The following CNIH3 variants were observed in gnomAD, a reference collection of about 807,000 sequenced individuals.
CNIH3 encodes the protein protein cornichon homolog 3.
In CNIH3, 14 loss-of-function variants were observed where a neutral mutation model predicts 24.1. The observed-to-expected ratio is 0.58, with a 90% CI of 0.38 to 0.91. CNIH3 has a LOEUF of 0.91. CNIH3 is among the 40% of genes least tolerant of loss of function. The pLI is 0.00. For missense variants in CNIH3, 178 were observed against 196.8 expected (o/e 0.90, Z 0.57); for synonymous variants, 68 against 73.8 (o/e 0.92, Z 0.40).
rs1558314863 is a variant in CNIH3 at position 224,705,864 on chromosome 1, T to TTC, written c.198+21022_198+21023insCT. On this transcript the variant is annotated intron_variant, in intron 3 of 5. Transcript: ENST00000272133. ...CTCTTTCTTTTCTTTTTTTTCTTTT[T>TTC]TTTTTTTTTTGAGCTGAACCTACCC... Among the ~76,000 whole-genome samples, 170 of 147,968 alleles carry TTC rather than the reference T, an allele frequency of 1.1e-3. 5 individuals carry two copies. The highest frequency in any genetic ancestry group is 0.011 in the Admixed American group (166 of 14,876).
intron 1 of CNIH3, among the ~76,000 whole-genome samples, chr1:224,509,482 A>G (rs1035622730): frequency 6.6e-6 from 1 of 152,140 alleles, no homozygotes; most frequent in African/African-American, 2.4e-5. Context: ...TACCCTCACC[A>G]GAGACCCAGT....
intron 3 of CNIH3, among the ~76,000 whole-genome samples, chr1:224,723,351 C>T (rs1474007093): frequency 6.6e-6 from 1 of 152,212 alleles, no homozygotes; most frequent in Admixed American, 6.5e-5. Context: ...GTGCCTTTTC[C>T]TCCCTGTGCT....
intron 1 of CNIH3, among the ~76,000 whole-genome samples, chr1:224,665,286 C>G (rs187483728): frequency 7.7e-4 from 118 of 152,262 alleles, no homozygotes; most frequent in Admixed American, 1.5e-3. Context: ...CTTAAGCACA[C>G]TAGGAAGACA....
Position 224,645,991 on chromosome 1 carries a change from G to A in CNIH3, c.81+28736G>A, listed in dbSNP as rs184967736. 3.9e-5 allele frequency among the ~76,000 whole-genome samples: 6 copies of A among 152,274 alleles called. No individual in the cohort carries two copies. In the East Asian group the frequency reaches 1.2e-3, roughly 29 times the overall value. Reference sequence around the variant, plus strand: ...GGGCATTGTGCTGGGTAGCCCTTTAGGGAATCCAGTTGTATTTAATTATAT... The same window carrying A: ...GGGCATTGTGCTGGGTAGCCCTTTAAGGAATCCAGTTGTATTTAATTATAT... On this transcript the variant is annotated intron_variant, in intron 1 of 5. Transcript: ENST00000272133.
At chr1:224,510,287 A>C (rs1678090706) in intron 1 of CNIH3, among the ~76,000 whole-genome samples, 1 of 152,058 alleles carries the variant, frequency 6.6e-6, no homozygotes, top group African/African-American at 2.4e-5. Flanking sequence ...AAGGAGCTTA[A>C]ACTTCATCCT....
At chr1:224,624,869 C>T (rs1683442636) in intron 1 of CNIH3, among the ~76,000 whole-genome samples, 1 of 152,186 alleles carries the variant, frequency 6.6e-6, no homozygotes, top group African/African-American at 2.4e-5. Flanking sequence ...TCTTGCAATT[C>T]CCAAATGGGC....
At chr1:224,614,882 G>T (rs1442911313), upstream of CNIH3, among the ~76,000 whole-genome samples, 2 of 152,030 alleles carry the variant, frequency 1.3e-5, no homozygotes, top group African/African-American at 4.8e-5. Flanking sequence ...GGGAGGTGGA[G>T]GTTGCAGAGA....
intron 3 of CNIH3, among the ~76,000 whole-genome samples, chr1:224,712,125 A>G (rs777057947): frequency 1.2e-4 from 18 of 152,182 alleles, no homozygotes; most frequent in Non-Finnish European, 2.4e-4. Context: ...AGGCTTGTCT[A>G]AAGTCCACTC....
upstream of CNIH3, among the ~76,000 whole-genome samples, chr1:224,513,265 C>A (rs1678232084): frequency 1.3e-5 from 2 of 150,644 alleles, no homozygotes; most frequent in Non-Finnish European, 1.5e-5. Context: ...TTCAAGCAAT[C>A]ATCCCACTGA....
chr1:224,628,494 G>C (rs1045645905), intron 1 of CNIH3, among the ~76,000 whole-genome samples: 1 of 151,886 alleles, frequency 6.6e-6, no homozygotes, highest in African/African-American at 2.4e-5. Flanking sequence ...CCTCTAAACT[G>C]ATCTACTTCT....
intron 1 of CNIH3, among the ~76,000 whole-genome samples, chr1:224,504,869 TCAG>T (rs1677828426): frequency 6.6e-6 from 1 of 152,154 alleles, no homozygotes; most frequent in African/African-American, 2.4e-5. Flanking sequence ...CCTGAGGTGG[TCAG>T]CATGATGCCT....
At chr1:224,608,516 G>A (rs370080593) in intron 3 of CNIH3, among the ~76,000 whole-genome samples, 2 of 152,142 alleles carry the variant, frequency 1.3e-5, no homozygotes, top group South Asian at 2.1e-4. Flanking sequence ...TGCATGCACT[G>A]GTAATCAGAA....
chr1:224,462,798 C>A (rs1675972266), intron 1 of CNIH3, among the ~76,000 whole-genome samples: 1 of 151,752 alleles, frequency 6.6e-6, no homozygotes, highest in African/African-American at 2.4e-5. Context: ...CACCACCACA[C>A]CTGGCTAATT....
chr1:224,507,631 A>T (rs374782414), intron 1 of CNIH3, among the ~76,000 whole-genome samples: 15 of 152,164 alleles, frequency 9.9e-5, no homozygotes, highest in African/African-American at 3.4e-4. Context: ...TAAGCCCCAA[A>T]ACTCACCTTC....
chr1:224,707,521 C>T (rs192329007), intron 3 of CNIH3, among the ~76,000 whole-genome samples: 209 of 144,138 alleles, frequency 1.4e-3, no homozygotes, highest in African/African-American at 4.9e-3. Context: ...TCTCTCTCTA[C>T]TCCACTGTGG....
At chr1:224,598,252 GC>G (rs1324208571) in intron 3 of CNIH3, among the ~76,000 whole-genome samples, 1 of 152,156 alleles carries the variant, frequency 6.6e-6, no homozygotes, top group Non-Finnish European at 1.5e-5. Context: ...GGTGGAAATA[GC>G]AAGACAACTA....
At chr1:224,728,381 G>A (rs1689147499) in intron 3 of CNIH3, among the ~76,000 whole-genome samples, 1 of 152,116 alleles carries the variant, frequency 6.6e-6, no homozygotes, top group African/African-American at 2.4e-5. Context: ...ATACAATAGG[G>A]ACATGGCGTG....
chr1:224,549,528 T>C (rs1043326995), intron 3 of CNIH3, among the ~76,000 whole-genome samples: 4 of 152,030 alleles, frequency 2.6e-5, no homozygotes, highest in Admixed American at 2.0e-4. Context: ...TCACAGACTG[T>C]ATGCACACAC....
intron 1 of CNIH3, among the ~76,000 whole-genome samples, chr1:224,469,645 C>T (rs1198176643): frequency 1.3e-5 from 2 of 152,120 alleles, no homozygotes; most frequent in Non-Finnish European, 2.9e-5. Context: ...GTAGCTGGGA[C>T]CACAGGCATG....
Sources: gnomAD v4.1 joint callset for allele counts (sites outside exome capture counted in the v4.1 genomes callset) on GRCh38, gnomAD v4.1.1 for gene constraint, MANE v1.5 for transcripts, NCBI Gene and HGNC (gene_info 2026-07-23, HGNC 2026-07-21) for gene names.